The following RAPGEF5 variants were observed in gnomAD, a reference collection of about 807,000 sequenced individuals.
RAPGEF5 encodes the protein Rap guanine nucleotide exchange factor 5, also known as M-Ras-regulated GEF.
RAPGEF5 carries 65 observed loss-of-function variants against 125.2 expected under a neutral mutation model. The observed-to-expected ratio is 0.52, with a 90% CI of 0.43 to 0.64. The LOEUF is 0.64. Among genes scored for constraint, RAPGEF5 ranks in the 30% least tolerant of loss-of-function variants. The probability of loss-of-function intolerance (pLI) is 0.00; values close to 1 mark genes in which losing one functional copy is unlikely to be tolerated. For synonymous variants in RAPGEF5, 391 were observed against 385.9 expected (o/e 1.01, Z -0.16); for missense variants, 958 against 1,048.1 (o/e 0.91, Z 1.19).
At chr7:22,197,017 T>TG (rs1312579835) in intron 9 of RAPGEF5, among the ~76,000 whole-genome samples, 1 of 152,126 alleles carries the variant, frequency 6.6e-6, no homozygotes, top group African/African-American at 2.4e-5. Context: ...ATTCGAGTCA[T>TG]GGGGGAACCT....
At chr7:22,218,443 G>C (rs1301265588) in intron 9 of RAPGEF5, among the ~76,000 whole-genome samples, 1 of 152,070 alleles carries the variant, frequency 6.6e-6, no homozygotes, top group Non-Finnish European at 1.5e-5. Flanking sequence ...GTAAGATACA[G>C]CATTCATTTT....
rs942745988 is a variant in RAPGEF5, at chr7:22,318,089, C to T, written c.232-52G>A. The T allele has an allele frequency of 7.4e-6, 11 of 1,480,434 alleles. 1 individual carries two copies. The African/African-American group carries it at 1.6e-4, about 22-fold the overall frequency. The allele number at this position is 1,480,434 out of a possible 1,614,324, so 91.7% of individuals were successfully genotyped here. A position where few individuals can be genotyped will look rare whatever the true frequency, so the allele number is the denominator to read the frequency against. On this transcript the variant is annotated intron_variant, in intron 1 of 25. Transcript: ENST00000665637. Reference sequence around the variant, plus strand: ...AGTTAGAACCAAATAAACTTTTGTACCAAAAAATGAAAACATAAGCAACAG... The same window carrying T: ...AGTTAGAACCAAATAAACTTTTGTATCAAAAAATGAAAACATAAGCAACAG...
chr7:22,199,531 G>GAAAAAA (rs35024654), intron 9 of RAPGEF5, among the ~76,000 whole-genome samples: 1 of 62,846 alleles, frequency 1.6e-5, no homozygotes, highest in Non-Finnish European at 2.8e-5. Context: ...CCTTAAAATT[G>GAAAAAA]AAAAAAAAAA....
At chr7:22,353,623 T>G (rs1784368944) in intron 1 of RAPGEF5, among the ~76,000 whole-genome samples, 1 of 152,122 alleles carries the variant, frequency 6.6e-6, no homozygotes, top group South Asian at 2.1e-4. Flanking sequence ...GTTATACAAT[T>G]AAAAAAATTA....
intron 1 of RAPGEF5, among the ~76,000 whole-genome samples, chr7:22,338,603 C>A (rs1784068105): frequency 6.6e-6 from 1 of 152,184 alleles, no homozygotes; most frequent in African/African-American, 2.4e-5. Context: ...CTTCTTTTAT[C>A]CTTCAAGACT....
At chr7:22,138,576 G>A (rs1277986347) in intron 21 of RAPGEF5, among the ~76,000 whole-genome samples, 5 of 152,108 alleles carry the variant, frequency 3.3e-5, no homozygotes, top group East Asian at 1.9e-4. Context: ...GCTGGACCTC[G>A]AAGGCCCTGC....
chr7:22,341,551 T>C (rs1784129467), intron 1 of RAPGEF5, among the ~76,000 whole-genome samples: 1 of 152,226 alleles, frequency 6.6e-6, no homozygotes, highest in Non-Finnish European at 1.5e-5. Flanking sequence ...GCAAGTCCCT[T>C]CTGCCTATGA....
intron 1 of RAPGEF5, chr7:22,356,240 G>T (rs1784417415): frequency 8.1e-6 from 8 of 985,308 alleles, no homozygotes; most frequent in Non-Finnish European, 8.4e-6. Context: ...GTTCTTGGGG[G>T]CGTGCACCCT....
At chr7:22,230,784 A>C in intron 8 of RAPGEF5, 62 bp downstream of exon 8, 1 of 1,423,030 alleles carries the variant, frequency 7.0e-7, no homozygotes. Context: ...TAACACCTGC[A>C]CTGTCTCACC....
In RAPGEF5 at chr7:22,223,704, G is replaced by A. The variant is rs796724368; in HGVS notation, c.871-3713C>T. On this transcript the variant is annotated intron_variant, in intron 8 of 25. Transcript: ENST00000665637. ...AAATATTTCATCCAGTGAAACAGGA[G>A]AGACAGTGAAATACAGGGGTAAATA... Among the ~76,000 whole-genome samples, 53 of 152,274 alleles carry A rather than the reference G, an allele frequency of 3.5e-4. 1 individual carries two copies. The highest frequency in any genetic ancestry group is 1.2e-3 in the African/African-American group (48 of 41,558).
At chr7:22,292,895 CT>C (rs1170115798) in intron 5 of RAPGEF5, among the ~76,000 whole-genome samples, 3 of 152,218 alleles carry the variant, frequency 2.0e-5, no homozygotes, top group Admixed American at 2.0e-4. Context: ...TTTCAACAAG[CT>C]GCTGAAAGGA....
chr7:22,145,307 C>T, intron 19 of RAPGEF5, 85 bp from the exon 20 acceptor site: 1 of 1,293,436 alleles, frequency 7.7e-7, no homozygotes, highest in Non-Finnish European at 1.1e-6. Flanking sequence ...AGAGCTACTT[C>T]AGGTAGTTCC....
At chr7:22,309,478 C>T (rs1230095137) in intron 4 of RAPGEF5, among the ~76,000 whole-genome samples, 1 of 152,222 alleles carries the variant, frequency 6.6e-6, no homozygotes, top group East Asian at 1.9e-4. Flanking sequence ...ATATCCATCA[C>T]CTATTTTAGT....
chr7:22,227,293 G>A (rs1259333482), intron 8 of RAPGEF5, among the ~76,000 whole-genome samples: 2 of 151,920 alleles, frequency 1.3e-5, no homozygotes, highest in African/African-American at 4.8e-5. Context: ...GATTTAACAG[G>A]ATAATCAATT....
intron 1 of RAPGEF5, among the ~76,000 whole-genome samples, chr7:22,342,166 G>C (rs1784141956): frequency 1.3e-5 from 2 of 152,220 alleles, no homozygotes; most frequent in African/African-American, 2.4e-5. Flanking sequence ...AACACAACGT[G>C]GAAGTTGCCA....
At chr7:22,156,737 A>G in intron 16 of RAPGEF5, 73 bp downstream of exon 16, 1 of 1,603,206 alleles carries the variant, frequency 6.2e-7, no homozygotes, top group Non-Finnish European at 8.5e-7. Flanking sequence ...AGTCAGGCTG[A>G]TATGCCAATG....
chr7:22,136,828 C>G (rs1783092860), intron 22 of RAPGEF5, 105 bp downstream of exon 22: 2 of 997,352 alleles, frequency 2.0e-6, no homozygotes, highest in Admixed American at 5.4e-5. Context: ...CTAGTCTAGG[C>G]TACCTGACAC....
At chr7:22,341,724 A>G (rs1021893507) in intron 1 of RAPGEF5, among the ~76,000 whole-genome samples, 1 of 152,240 alleles carries the variant, frequency 6.6e-6, no homozygotes, top group African/African-American at 2.4e-5. Context: ...TAAAGGTCCA[A>G]AATGATCTCT....
chr7:22,169,859 CAAAAA>C (rs71026858), intron 11 of RAPGEF5, among the ~76,000 whole-genome samples: 6 of 25,946 alleles, frequency 2.3e-4, no homozygotes, highest in East Asian at 1.9e-3. Context: ...GACTCTGTGT[CAAAAA>C]AAAAAAAAAA....
Sources: gnomAD v4.1 joint callset for allele counts (sites outside exome capture counted in the v4.1 genomes callset) on GRCh38, gnomAD v4.1.1 for gene constraint, MANE v1.5 for transcripts, NCBI Gene and HGNC (gene_info 2026-07-23, HGNC 2026-07-21) for gene names.